The following AFG1L variants were observed in gnomAD, a reference collection of about 807,000 sequenced individuals.
AFG1L encodes AFG1 like ATPase.
A neutral mutation model predicts 62.2 loss-of-function variants in AFG1L; 53 were observed. The observed-to-expected ratio is 0.85, with a 90% CI of 0.68 to 1.07. The LOEUF (loss-of-function observed/expected upper bound fraction) is 1.07, where lower values mean the gene tolerates loss of function less well. Ranked by LOEUF, AFG1L falls within the 50% of genes least tolerant of loss-of-function variation. AFG1L has a pLI of 0.00. For missense variants in AFG1L, 555 were observed against 590.5 expected, an observed-to-expected ratio of 0.94 and a Z score of 0.62; for synonymous variants, 228 against 210.3, an observed-to-expected ratio of 1.08 and a Z score of -0.73.
chr6:108,507,681 T>C (rs1011693674), intron 10 of AFG1L, among the ~76,000 whole-genome samples: 2 of 152,256 alleles, frequency 1.3e-5, no homozygotes, highest in African/African-American at 4.8e-5. Flanking sequence ...CATTTTTTTA[T>C]GTATACTTTC....
chr6:108,336,354 C>T (rs189933337), intron 2 of AFG1L, among the ~76,000 whole-genome samples: 3 of 152,268 alleles, frequency 2.0e-5, no homozygotes, highest in Non-Finnish European at 4.4e-5. Context: ...TTTATTTTAA[C>T]AGCACCACCC....
chr6:108,428,646 G>T (rs545658050), intron 7 of AFG1L, among the ~76,000 whole-genome samples: 2 of 152,230 alleles, frequency 1.3e-5, no homozygotes, highest in East Asian at 3.9e-4. Flanking sequence ...GGCCATTCTG[G>T]CTGGGGTAAG....
intron 10 of AFG1L, among the ~76,000 whole-genome samples, chr6:108,479,580 T>C (rs571303557): frequency 6.6e-6 from 1 of 152,376 alleles, no homozygotes; most frequent in East Asian, 1.9e-4. Flanking sequence ...CTTGTTATGA[T>C]GATTTTGCAT....
chr6:108,446,868 G>C (rs1771828754), intron 7 of AFG1L, among the ~76,000 whole-genome samples: 1 of 151,784 alleles, frequency 6.6e-6, no homozygotes. Flanking sequence ...ATTCTTTCTG[G>C]TAGCCTCTAG....
chr6:108,400,706 TATATATTTA>T (rs1781540837), intron 6 of AFG1L, among the ~76,000 whole-genome samples: 7 of 124,328 alleles, frequency 5.6e-5, no homozygotes, highest in Admixed American at 1.0e-4. Flanking sequence ...TATATTATTA[TATATATTTA>T]ATATATATTA....
chr6:108,304,678 G>C (rs1044966582), intron 1 of AFG1L, among the ~76,000 whole-genome samples: 1 of 152,136 alleles, frequency 6.6e-6, no homozygotes, highest in Non-Finnish European at 1.5e-5. Flanking sequence ...ACAGCAGTTG[G>C]GTAAACATTT....
chr6:108,416,118 A>T (rs184829515), intron 7 of AFG1L, among the ~76,000 whole-genome samples: 12 of 152,386 alleles, frequency 7.9e-5, no homozygotes, highest in Non-Finnish European at 1.5e-4. Context: ...GAAGGATATG[A>T]ACAGACACTT....
intron 1 of AFG1L, among the ~76,000 whole-genome samples, chr6:108,313,394 A>G (rs1219609579): frequency 3.3e-5 from 5 of 152,182 alleles, no homozygotes. Context: ...TAATGTACAG[A>G]CATTCCTTAG....
At chr6:108,321,353 G>A (rs942501204) in intron 1 of AFG1L, among the ~76,000 whole-genome samples, 2 of 152,242 alleles carry the variant, frequency 1.3e-5, no homozygotes, top group South Asian at 2.1e-4. Context: ...GAGGTTGAAC[G>A]CACCTAGATG....
At chr6:108,464,130 T>A (rs1355724864) in intron 8 of AFG1L, among the ~76,000 whole-genome samples, 1 of 152,172 alleles carries the variant, frequency 6.6e-6, no homozygotes, top group Non-Finnish European at 1.5e-5. Context: ...AGCTGTTGAT[T>A]TTTGAAAAGG....
intron 10 of AFG1L, among the ~76,000 whole-genome samples, chr6:108,487,485 G>A (rs1460335929): frequency 1.3e-5 from 2 of 152,222 alleles, no homozygotes; most frequent in African/African-American, 4.8e-5. Context: ...GATGTGATCA[G>A]CACATTTCTG....
chr6:108,469,331 A>C (rs1466672197), intron 8 of AFG1L, among the ~76,000 whole-genome samples: 1 of 152,126 alleles, frequency 6.6e-6, no homozygotes, highest in African/African-American at 2.4e-5. Context: ...TAGTTACACT[A>C]TTTAATATGT....
chr6:108,479,751 A>AAT (rs1773258747), intron 10 of AFG1L, among the ~76,000 whole-genome samples: 1 of 152,164 alleles, frequency 6.6e-6, no homozygotes, highest in Non-Finnish European at 1.5e-5. Flanking sequence ...TAAAGATAAA[A>AAT]ACACATCCAA....
At chr6:108,366,964 T>C (rs920071429) in intron 6 of AFG1L, among the ~76,000 whole-genome samples, 1 of 152,156 alleles carries the variant, frequency 6.6e-6, no homozygotes, top group Non-Finnish European at 1.5e-5. Context: ...GATATCTGCA[T>C]GGCTAAGCCC....
At chr6:108,437,878 T>TGG (rs1346120542) in intron 7 of AFG1L, among the ~76,000 whole-genome samples, 1 of 152,154 alleles carries the variant, frequency 6.6e-6, no homozygotes, top group Non-Finnish European at 1.5e-5. Flanking sequence ...GGGAGGACCA[T>TGG]GGATTTGGTG....
At chr6:108,427,098 A>ATTTT (rs2114703622) in intron 7 of AFG1L, among the ~76,000 whole-genome samples, 1 of 151,934 alleles carries the variant, frequency 6.6e-6, no homozygotes, top group South Asian at 2.1e-4. Context: ...TAATTTTTTA[A>ATTTT]TTTTTATTTA....
At chr6:108,483,983 G>A (rs1773428168) in intron 10 of AFG1L, among the ~76,000 whole-genome samples, 1 of 152,086 alleles carries the variant, frequency 6.6e-6, no homozygotes, top group South Asian at 2.1e-4. Flanking sequence ...TTTATTCCAA[G>A]TGAAACCACT....
intron 1 of AFG1L, among the ~76,000 whole-genome samples, chr6:108,316,349 C>T (rs928344495): frequency 3.4e-5 from 4 of 116,252 alleles, no homozygotes; most frequent in African/African-American, 1.4e-4. Flanking sequence ...CCACTGCACT[C>T]CAGCCTGGGC....
At chr6:108,496,972 A>G (rs1773995863) in intron 10 of AFG1L, among the ~76,000 whole-genome samples, 2 of 152,192 alleles carry the variant, frequency 1.3e-5, no homozygotes, top group South Asian at 4.1e-4. Context: ...ATTTTATTAC[A>G]TCAATGTGCC....
Sources: allele counts gnomAD v4.1 joint callset (sites outside exome capture counted in the v4.1 genomes callset), GRCh38; gene constraint gnomAD v4.1.1; transcripts MANE v1.5; gene names NCBI Gene and HGNC (gene_info 2026-07-23, HGNC 2026-07-21).